Variants in PRMT3 observed in about 807,000 individuals in gnomAD.
PRMT3 encodes the protein protein arginine methyltransferase 3, also known as protein arginine N-methyltransferase 3.
A neutral mutation model predicts 71.9 loss-of-function variants in PRMT3; 62 were observed. That is an observed-to-expected ratio of 0.86 (90% CI 0.70 to 1.07). The LOEUF (loss-of-function observed/expected upper bound fraction) is 1.07, where lower values mean the gene tolerates loss of function less well. Ranked by LOEUF, PRMT3 falls within the 50% of genes least tolerant of loss-of-function variation. The pLI, the probability that PRMT3 is intolerant of heterozygous loss-of-function variation, is 0.00. For missense variants in PRMT3, 663 were observed against 643.0 expected, an observed-to-expected ratio of 1.03 and a Z score of -0.34; for synonymous variants, 213 against 220.4, an observed-to-expected ratio of 0.97 and a Z score of 0.30.
At chr11:20,493,685 G>A (rs183280139) in intron 13 of PRMT3, among the ~76,000 whole-genome samples, 10 of 152,250 alleles carry the variant, frequency 6.6e-5, no homozygotes, top group Admixed American at 5.9e-4. Flanking sequence ...CTAATAAAAT[G>A]TACTAATTAT....
intron 15 of PRMT3, among the ~76,000 whole-genome samples, chr11:20,504,745 A>AGAGC (rs1491497481): frequency 2.4e-4 from 34 of 141,250 alleles, no homozygotes; most frequent in African/African-American, 6.7e-4. Flanking sequence ...AGAGAGAGAG[A>AGAGC]GCGAGAGCGA....
At chr11:20,494,513 TAGTAG>T (rs1387422790) in intron 15 of PRMT3, among the ~76,000 whole-genome samples, 1 of 152,120 alleles carries the variant, frequency 6.6e-6, no homozygotes, top group Non-Finnish European at 1.5e-5. Flanking sequence ...TTTGTATTTT[TAGTAG>T]AGATGGGGTT....
At chr11:20,440,001 G>C (rs1849849905) in intron 10 of PRMT3, among the ~76,000 whole-genome samples, 1 of 152,100 alleles carries the variant, frequency 6.6e-6, no homozygotes, top group Non-Finnish European at 1.5e-5. Flanking sequence ...AGAGTAGTGA[G>C]GAAAGGATGA....
intron 13 of PRMT3, among the ~76,000 whole-genome samples, chr11:20,467,580 G>A (rs1850541830): frequency 6.6e-6 from 1 of 150,482 alleles, no homozygotes. Flanking sequence ...TCCAGCAGTT[G>A]GAATGAAGAG....
chr11:20,507,277 A>G (rs1309394893), intron 15 of PRMT3, among the ~76,000 whole-genome samples: 1 of 152,154 alleles, frequency 6.6e-6, no homozygotes, highest in African/African-American at 2.4e-5. Context: ...AATTGTTAGT[A>G]TAGCTTTTTT....
chr11:20,473,680 A>C (rs1274930641), intron 13 of PRMT3, among the ~76,000 whole-genome samples: 1 of 152,136 alleles, frequency 6.6e-6, no homozygotes, highest in Non-Finnish European at 1.5e-5. Context: ...ATTGGGTTGC[A>C]ACGTGCTCCT....
intron 15 of PRMT3, among the ~76,000 whole-genome samples, chr11:20,495,391 G>C (rs1221543636): frequency 2.0e-5 from 3 of 152,066 alleles, no homozygotes; most frequent in African/African-American, 7.2e-5. Context: ...TCTGGGCATA[G>C]TGACAAAAGC....
At chr11:20,452,311 T>C (rs1850168701) in intron 11 of PRMT3, 103 bp downstream of exon 11, 5 of 874,260 alleles carry the variant, frequency 5.7e-6, no homozygotes, top group African/African-American at 3.4e-5. Context: ...AAGTTCCCGA[T>C]AGGGTTGAAA....
intron 11 of PRMT3, among the ~76,000 whole-genome samples, chr11:20,458,613 G>T (rs1156927555): frequency 2.0e-5 from 3 of 152,170 alleles, no homozygotes; most frequent in African/African-American, 7.2e-5. Context: ...TCAGGATTCT[G>T]GCAGGTGGTC....
intron 12 of PRMT3, among the ~76,000 whole-genome samples, chr11:20,462,526 A>G (rs1850409349): frequency 1.3e-5 from 2 of 152,178 alleles, no homozygotes; most frequent in South Asian, 4.1e-4. Flanking sequence ...TTACAGCCAG[A>G]TTATTCATTC....
intron 13 of PRMT3, among the ~76,000 whole-genome samples, chr11:20,480,191 T>A (rs1850897132): frequency 6.6e-6 from 1 of 152,112 alleles, no homozygotes; most frequent in South Asian, 2.1e-4. Context: ...AAAAGAAGTC[T>A]CTGGAGTACT....
At position 20,388,170 on chromosome 11, in the gene PRMT3, C is replaced by T; in HGVS notation, c.164+16C>T. 1 of 1,613,750 alleles carries T rather than the reference C, an allele frequency of 6.2e-7. No individual in the cohort carries two copies. Among genetic ancestry groups the T allele is most frequent in the Non-Finnish European group, 8.5e-7 (1 of 1,179,954 alleles). On this transcript the variant is annotated intron_variant, in intron 2 of 15. Transcript: ENST00000331079. ...TCTGTAACAGGTTCGTCCGCCTCAG[C>T]GCCTGGCCTCTGCCCTAGGGTGCCC...
chr11:20,423,958 G>T (rs1849483998), intron 9 of PRMT3, among the ~76,000 whole-genome samples: 1 of 151,228 alleles, frequency 6.6e-6, no homozygotes, highest in African/African-American at 2.4e-5. Flanking sequence ...GCCGAGGCAG[G>T]TGGATCACGA....
intron 11 of PRMT3, among the ~76,000 whole-genome samples, chr11:20,454,789 C>T (rs1297152640): frequency 6.6e-6 from 1 of 151,856 alleles, no homozygotes; most frequent in East Asian, 1.9e-4. Context: ...ATTGAAGGCC[C>T]ATACAAACGT....
chr11:20,408,104 T>TC, intron 9 of PRMT3, 72 bp downstream of exon 9: 1 of 1,148,444 alleles, frequency 8.7e-7, no homozygotes, highest in Non-Finnish European at 1.2e-6. Flanking sequence ...TTTCTTGTCT[T>TC]TAGTAGCTAT....
chr11:20,436,263 T>A (rs902089255), intron 10 of PRMT3, among the ~76,000 whole-genome samples: 9 of 152,210 alleles, frequency 5.9e-5, no homozygotes, highest in Admixed American at 5.9e-4. Flanking sequence ...TTGTCTCCCT[T>A]CTTTCCAATT....
intron 13 of PRMT3, among the ~76,000 whole-genome samples, chr11:20,479,558 G>A (rs1371138512): frequency 6.6e-6 from 1 of 152,150 alleles, no homozygotes; most frequent in African/African-American, 2.4e-5. Flanking sequence ...TGAATTTGGA[G>A]GGAAGAAATG....
intron 15 of PRMT3, among the ~76,000 whole-genome samples, chr11:20,506,531 T>C (rs564420705): frequency 3.3e-5 from 5 of 152,152 alleles, no homozygotes; most frequent in African/African-American, 1.2e-4. Flanking sequence ...GTATCAGTAA[T>C]GGAATCTTTA....
At chr11:20,464,697 G>A in intron 13 of PRMT3, 151 bp downstream of exon 13, 1 of 1,215,318 alleles carries the variant, frequency 8.2e-7, no homozygotes, top group Middle Eastern at 2.6e-4. Context: ...GAACAGATCT[G>A]GTTAATAGGT....
Sources: allele counts gnomAD v4.1 joint callset (sites outside exome capture counted in the v4.1 genomes callset), GRCh38; gene constraint gnomAD v4.1.1; transcripts MANE v1.5; gene names NCBI Gene and HGNC (gene_info 2026-07-23, HGNC 2026-07-21).